NAA11: variants seen among roughly 807,000 people sequenced by gnomAD.
NAA11 encodes N-alpha-acetyltransferase 11, NatA catalytic subunit.
Under a neutral mutation model 16.1 loss-of-function variants are expected in NAA11, and 15 were observed. The observed-to-expected ratio is 0.93, with a 90% CI of 0.62 to 1.44. The LOEUF (loss-of-function observed/expected upper bound fraction) is 1.44. NAA11 is among the 40% of genes most tolerant of loss of function. The pLI, the probability that NAA11 is intolerant of heterozygous loss-of-function variation, is 0.00. For missense variants in NAA11, 298 were observed against 291.3 expected (o/e 1.02, Z -0.17); for synonymous variants, 122 against 112.4 (o/e 1.09, Z -0.54).
the NAA11 span, among the ~76,000 whole-genome samples, chr4:79,187,419 T>C: frequency 1.3e-5 from 2 of 152,162 alleles, no homozygotes; most frequent in Non-Finnish European, 2.9e-5. Context: ...TTCATATTAT[T>C]CAAGACAAAT....
intron 2 of NAA11, among the ~76,000 whole-genome samples, chr4:79,232,732 G>A (rs1266359456): frequency 6.6e-6 from 1 of 151,894 alleles, no homozygotes; most frequent in African/African-American, 2.4e-5. Context: ...TATAATATTT[G>A]ACAGCCCCAA....
At chr4:79,229,644 T>C (rs1379754452) in intron 2 of NAA11, among the ~76,000 whole-genome samples, 1 of 151,966 alleles carries the variant, frequency 6.6e-6, no homozygotes, top group African/African-American at 2.4e-5. Context: ...TATTTAATAA[T>C]AATAATATCT....
the NAA11 span, among the ~76,000 whole-genome samples, chr4:79,204,698 C>A: frequency 0.12 from 18,227 of 151,580 alleles, 1,328 homozygotes; most frequent in African/African-American, 0.19. Context: ...AATTTTTAAT[C>A]CCTTATCCTC....
intron 2 of NAA11, among the ~76,000 whole-genome samples, chr4:79,287,692 A>AGG (rs1011683108): frequency 2.0e-5 from 3 of 151,584 alleles, no homozygotes; most frequent in East Asian, 3.9e-4. Flanking sequence ...TGAGAGAAAG[A>AGG]GGGAGAGAGA....
the NAA11 span, among the ~76,000 whole-genome samples, chr4:79,205,833 A>T: frequency 6.6e-6 from 1 of 151,976 alleles, no homozygotes; most frequent in Non-Finnish European, 1.5e-5. Flanking sequence ...GCATGTGGCT[A>T]TCAAATTTTT....
chr4:79,216,476 T>C, the NAA11 span, among the ~76,000 whole-genome samples: 5 of 152,096 alleles, frequency 3.3e-5, no homozygotes, highest in African/African-American at 9.7e-5. Context: ...ATTAAGACTA[T>C]CAATTAGCAA....
At chr4:79,221,930 G>A (rs1721196115), downstream of NAA11, among the ~76,000 whole-genome samples, 1 of 138,082 alleles carries the variant, frequency 7.2e-6, no homozygotes, top group Non-Finnish European at 1.6e-5. Flanking sequence ...CTATTGATTG[G>A]AATAGTTTCA....
the NAA11 span, among the ~76,000 whole-genome samples, chr4:79,170,070 C>T: frequency 6.6e-6 from 1 of 152,174 alleles, no homozygotes; most frequent in African/African-American, 2.4e-5. Flanking sequence ...GTCTTTATGA[C>T]TGCCTTGATG....
the NAA11 span, among the ~76,000 whole-genome samples, chr4:79,199,961 A>G: frequency 1.3e-5 from 2 of 151,872 alleles, 1 homozygote; most frequent in South Asian, 4.1e-4. Flanking sequence ...ATGATGAGCT[A>G]CAGCTGTTAC....
chr4:79,200,894 A>T, the NAA11 span, among the ~76,000 whole-genome samples: 1 of 151,688 alleles, frequency 6.6e-6, no homozygotes, highest in Non-Finnish European at 1.5e-5. Context: ...CAGAGAAGTC[A>T]AATAAAAGTC....
At chr4:79,255,905 G>T (rs934896580) in intron 2 of NAA11, among the ~76,000 whole-genome samples, 1 of 152,188 alleles carries the variant, frequency 6.6e-6, no homozygotes, top group African/African-American at 2.4e-5. Context: ...AATTTCCAGG[G>T]AAGGGTAGTA....
At chr4:79,249,088 G>A (rs907129657) in intron 2 of NAA11, among the ~76,000 whole-genome samples, 1 of 152,188 alleles carries the variant, frequency 6.6e-6, no homozygotes, top group Non-Finnish European at 1.5e-5. Flanking sequence ...CATGGCCCCA[G>A]AGTCCTGAGC....
At chr4:79,288,079 T>TA (rs761711518) in intron 2 of NAA11, among the ~76,000 whole-genome samples, 76 of 152,174 alleles carry the variant, frequency 5.0e-4, no homozygotes, top group Non-Finnish European at 9.0e-4. Context: ...GTAGCAGGCT[T>TA]ACAGAAGGAG....
At chr4:79,280,352 G>A (rs1410978944) in intron 2 of NAA11, among the ~76,000 whole-genome samples, 6 of 152,048 alleles carry the variant, frequency 3.9e-5, no homozygotes, top group Non-Finnish European at 7.4e-5. Context: ...GCCCGGTCCA[G>A]GTTAATTAAA....
rs1009783852 is a variant in NAA11, at chr4:79,317,703, A to G, written c.*101T>C. The G allele has an allele frequency of 2.0e-5, 3 of 152,288 alleles. No individual in the cohort carries two copies. The highest frequency in any genetic ancestry group is 4.4e-5 in the Non-Finnish European group (3 of 68,098). The allele number at this position is 152,288 out of a possible 1,614,324, so 9.4% of individuals were successfully genotyped here. A position where few individuals can be genotyped will look rare whatever the true frequency, so the allele number is the denominator to read the frequency against. ...GTGAGAAGCCATTCTGGTCACTGTGAGATGATCCCCACAGCAGATGCTGCA... is the reference window on the plus strand; with the variant it reads ...GTGAGAAGCCATTCTGGTCACTGTGGGATGATCCCCACAGCAGATGCTGCA... On this transcript the variant is annotated 3_prime_UTR_variant, in exon 2 of 2. Coordinates refer to ENST00000286794, the MANE Select transcript of NAA11 (RefSeq NM_032693.3).
chr4:79,322,787 A>AT (rs1560478791), intron 1 of NAA11, among the ~76,000 whole-genome samples: 1 of 152,102 alleles, frequency 6.6e-6, no homozygotes, highest in Admixed American at 6.5e-5. Flanking sequence ...TGCCGGCTTT[A>AT]TTTTTTAGAA....
the NAA11 span, among the ~76,000 whole-genome samples, chr4:79,190,987 G>T: frequency 2.0e-5 from 3 of 152,076 alleles, no homozygotes; most frequent in Non-Finnish European, 4.4e-5. Flanking sequence ...CTATATTCCC[G>T]CAAAATACAT....
the NAA11 span, among the ~76,000 whole-genome samples, chr4:79,155,650 A>G: frequency 1.3e-5 from 2 of 152,226 alleles, no homozygotes; most frequent in Non-Finnish European, 2.9e-5. Flanking sequence ...AATGGCAAAA[A>G]CACGTGTTGC....
intron 2 of NAA11, among the ~76,000 whole-genome samples, chr4:79,281,708 A>G (rs1560446195): frequency 6.6e-6 from 1 of 152,150 alleles, no homozygotes; most frequent in Non-Finnish European, 1.5e-5. Flanking sequence ...TAGCATGTAC[A>G]CAATGACAAA....
Sources: allele counts gnomAD v4.1 joint callset (sites outside exome capture counted in the v4.1 genomes callset), GRCh38; gene constraint gnomAD v4.1.1; transcripts MANE v1.5; gene names NCBI Gene and HGNC (gene_info 2026-07-23, HGNC 2026-07-21).